CARS1: variants seen among roughly 807,000 people sequenced by gnomAD.
The protein encoded by CARS1 is cysteine--tRNA ligase, cytoplasmic.
Under a neutral mutation model 106.2 loss-of-function variants are expected in CARS1, and 48 were observed. That is an observed-to-expected ratio of 0.45 (90% CI 0.36 to 0.57). The LOEUF (loss-of-function observed/expected upper bound fraction) is 0.57. Among genes scored for constraint, CARS1 ranks in the 20% least tolerant of loss-of-function variants. CARS1 has a pLI of 0.00. For synonymous variants in CARS1, 409 were observed against 403.4 expected, an observed-to-expected ratio of 1.01 and a Z score of -0.17; for missense variants, 968 against 1,057.2, an observed-to-expected ratio of 0.92 and a Z score of 1.17.
At position 3,038,008 on chromosome 11, in the gene CARS1, T is replaced by C. The variant is rs1853901706; in HGVS notation, c.801+42A>G. Reference sequence around the variant, plus strand: ...AGATCAGTCTATGCACGGCCCGACATTTGACCCGAACGGGCTGTCTGGGAG... The same window carrying C: ...AGATCAGTCTATGCACGGCCCGACACTTGACCCGAACGGGCTGTCTGGGAG... On this transcript the variant is annotated intron_variant, in intron 7 of 22. Coordinates refer to ENST00000380525, the MANE Select transcript of CARS1 (RefSeq NM_001014437.3). The surrounding 1 kb of genome is among the most constrained non-coding windows in gnomAD (Gnocchi z 4.0). 2 of 1,590,564 alleles carry C rather than the reference T, an allele frequency of 1.3e-6. No homozygotes were observed. Among genetic ancestry groups the C allele is most frequent in the Non-Finnish European group, 1.7e-6 (2 of 1,163,144 alleles).
chr11:3,005,499 C>A (rs1424529743), intron 19 of CARS1, 66 bp from the exon 20 acceptor site: 2 of 1,091,636 alleles, frequency 1.8e-6, no homozygotes, highest in African/African-American at 3.1e-5. Context: ...CGGGGCCAGC[C>A]CTGCCCTGCC....
In CARS1 at chr11:3,017,252, T is replaced by C. The variant is rs1851116070; in HGVS notation, c.1771A>G (p.Asn591Asp). Reference protein sequence around the residue: ...KTAIHKALCDNVDTRTVMEEM... With the variant: ...KTAIHKALCDDVDTRTVMEEM... ...TCCATGACGGTGCGGGTGTCAACAT[T>C]GTCACAGAGGGCTTTGTGAATTGCT... The change falls in exon 16 of 23, where the codon AAT (asparagine) becomes GAT (aspartate). Residue 591 changes from asparagine (N) to aspartate (D), a missense_variant. Transcript: ENST00000380525. The surrounding 1 kb of genome is among the most constrained non-coding windows in gnomAD (Gnocchi z 4.9). 1 of 1,614,130 alleles carries C rather than the reference T, an allele frequency of 6.2e-7. No homozygotes were observed. The highest frequency in any genetic ancestry group is 8.5e-7 in the Non-Finnish European group (1 of 1,179,986).
intron 10 of CARS1, 85 bp downstream of exon 10, chr11:3,026,591 G>A (rs559167762): frequency 1.3e-4 from 183 of 1,461,050 alleles, no homozygotes; most frequent in African/African-American, 2.0e-4. Context: ...TGGGCTCAGC[G>A]CAGCCCCCGT....
rs199617458 is a variant in CARS1, at chr11:3,053,218, TTTTTATTTTA to T, written c.25+4115_25+4124del. Among the ~76,000 whole-genome samples, 2 of 152,094 alleles carry T rather than the reference TTTTTATTTTA, an allele frequency of 1.3e-5. No individual in the cohort carries two copies. The highest frequency in any genetic ancestry group is 4.8e-5 in the African/African-American group (2 of 41,448). The stretch of plus-strand genomic sequence containing the variant: ...CCTATCAGCATTTATTTTTTATTTA[TTTTTATTTTA>T]TTTTATTTTATTTTATTTTTTGAGA... On this transcript the variant is annotated intron_variant, in intron 1 of 22. Transcript: ENST00000380525. This position sits in a 1 kb window ranked among gnomAD's most constrained non-coding sequence, Gnocchi z 6.6.
At chr11:3,055,165 AT>A (rs369101566) in intron 1 of CARS1, 54,500 of 426,828 alleles carry the variant, frequency 0.13, 2 homozygotes, top group South Asian at 0.19. Context: ...TTACGATTGG[AT>A]TTTTTTTTTT....
intron 16 of CARS1, 144 bp downstream of exon 16, chr11:3,016,962 C>A: frequency 1.6e-6 from 1 of 632,688 alleles, no homozygotes; most frequent in Non-Finnish European, 2.7e-6. Flanking sequence ...CCAAAGAGGA[C>A]AGAAGCATAT....
At chr11:3,049,692 C>A (rs1855462506) in intron 1 of CARS1, among the ~76,000 whole-genome samples, 1 of 152,228 alleles carries the variant, frequency 6.6e-6, no homozygotes, top group Non-Finnish European at 1.5e-5. Flanking sequence ...GTGCCAGCTG[C>A]CCTTCCTGGG....
Position 3,019,224 on chromosome 11 carries a change from G to T in CARS1, c.1310C>A (p.Thr437Asn), listed in dbSNP as rs556124218. The change falls in exon 12 of 23, where the codon ACC becomes AAC. Residue 437 changes from threonine to asparagine, a missense_variant. By Grantham distance (65) the Thr-to-Asn change is moderately conservative. Coordinates refer to ENST00000380525, the MANE Select transcript of CARS1 (RefSeq NM_001014437.3). This position sits in a 1 kb window ranked among gnomAD's most constrained non-coding sequence, Gnocchi z 6.2. ...AATGTCCATCGAAGCCCCTAGGAGG[G>T]TGCCTGCCATGGCCGAGCACTCGAT... ...WHIECSAMAG[T>N]LLGASMDIHG... 1.5e-5 allele frequency: 23 copies of T among 1,498,406 alleles called. No individual in the cohort carries two copies. The East Asian group carries it at 4.0e-4, about 26-fold the overall frequency. The allele number at this position is 1,498,406 out of a possible 1,614,324, so 92.8% of individuals were successfully genotyped here.
At chr11:3,015,316 G>C (rs1850876194) in intron 17 of CARS1, among the ~76,000 whole-genome samples, 1 of 152,252 alleles carries the variant, frequency 6.6e-6, no homozygotes, top group South Asian at 2.1e-4. Flanking sequence ...GGGCCTGTTA[G>C]GGCATCTGCC....
intron 18 of CARS1, among the ~76,000 whole-genome samples, chr11:3,010,612 T>TGGCAGCCC (rs1180192013): frequency 1.2e-3 from 180 of 152,336 alleles, no homozygotes; most frequent in African/African-American, 4.2e-3. Context: ...AGAGCACTTG[T>TGGCAGCCC]GGCAGCCCAG....
intron 1 of CARS1, among the ~76,000 whole-genome samples, chr11:3,051,318 C>A (rs1215925694): frequency 6.6e-6 from 1 of 152,248 alleles, no homozygotes; most frequent in Non-Finnish European, 1.5e-5. Context: ...GCCGGGAGCT[C>A]TTGAGGGCCT....
chr11:3,039,927 A>C lies in CARS1; in HGVS notation c.460T>G (p.Tyr154Asp). The change falls in exon 5 of 23, where the codon TAC becomes GAC. Residue 154 changes from tyrosine to aspartate, a missense_variant. Physicochemically the swap from Tyr to Asp is radical, Grantham distance 160. Coordinates refer to ENST00000380525, the MANE Select transcript of CARS1 (RefSeq NM_001014437.3). The surrounding 1 kb of genome is among the most constrained non-coding windows in gnomAD (Gnocchi z 5.6). ...DASHMGHARS[Y>D]ISFDILRRVL... ...CTTCTCAAGATATCAAAAGAGATGT[A>C]GGACCTAAAGCAATGAAAAAACAAA... is the stretch of plus-strand genomic sequence containing the variant. 1 of 1,557,326 alleles carries C rather than the reference A, an allele frequency of 6.4e-7. No homozygotes were observed. Among genetic ancestry groups the C allele is most frequent in the Non-Finnish European group, 8.8e-7 (1 of 1,142,122 alleles).
Position 3,001,059 on chromosome 11 carries a change from A to T in CARS1, c.*55T>A, listed in dbSNP as rs1565002841. 2 of 1,596,212 alleles carry T rather than the reference A, an allele frequency of 1.3e-6. No homozygotes were observed. Among genetic ancestry groups the T allele is most frequent in the Non-Finnish European group, 8.6e-7 (1 of 1,166,706 alleles). On this transcript the variant is annotated 3_prime_UTR_variant, in exon 23 of 23. Transcript: ENST00000380525. ...TAGGAGCGCTGGGACATTGTCACTG[A>T]GGCAGACAGCAGCCACTAGTCCACA...
intron 1 of CARS1, among the ~76,000 whole-genome samples, chr11:3,054,329 T>G (rs1023921782): frequency 1.3e-5 from 2 of 152,310 alleles, no homozygotes; most frequent in Admixed American, 1.3e-4. Context: ...TCCCTCACAA[T>G]GAGCCTGTGG....
At chr11:3,051,187 C>G (rs1384784140) in intron 1 of CARS1, among the ~76,000 whole-genome samples, 5 of 152,254 alleles carry the variant, frequency 3.3e-5, no homozygotes, top group Admixed American at 3.3e-4. Flanking sequence ...AGCAGGAGCC[C>G]TGCTGCCCAA....
At chr11:3,023,585 C>T (rs1248766733) in intron 10 of CARS1, among the ~76,000 whole-genome samples, 2 of 152,058 alleles carry the variant, frequency 1.3e-5, no homozygotes, top group Admixed American at 6.6e-5. Context: ...TGTAGAGATG[C>T]GGTCTCACTA....
intron 21 of CARS1, chr11:3,002,267 A>T: frequency 1.5e-6 from 1 of 645,524 alleles, no homozygotes. Context: ...AATAGTGGAA[A>T]GCTTACTAGA....
At position 3,050,879 on chromosome 11, in the gene CARS1, C is replaced by T. The variant is rs1030422270; in HGVS notation, c.26-2878G>A. On this transcript the variant is annotated intron_variant, in intron 1 of 22. Coordinates refer to ENST00000380525, the MANE Select transcript of CARS1 (RefSeq NM_001014437.3). The surrounding 1 kb of genome is among the most constrained non-coding windows in gnomAD (Gnocchi z 6.3). ...TTCTCTCCGCAGCACCCCTGTCTAA[C>T]ACGTGCCCGCATTTCTTTCCTTCAC... Among the ~76,000 whole-genome samples, 4 of 152,258 alleles carry T rather than the reference C, an allele frequency of 2.6e-5. No individual in the cohort carries two copies. Among genetic ancestry groups the T allele is most frequent in the African/African-American group, 4.8e-5 (2 of 41,466 alleles).
chr11:3,020,742 C>T lies in CARS1; in HGVS notation c.1154-410G>A, dbSNP rs552803201. ...GCTCAGGGATCCTGCCTGGTTCATG[C>T]GGGTGGGGTCAATATGTCAAGGGCC... On this transcript the variant is annotated intron_variant, in intron 10 of 22. Transcript: ENST00000380525. This position sits in a 1 kb window ranked among gnomAD's most constrained non-coding sequence, Gnocchi z 4.6. Among the ~76,000 whole-genome samples the T allele has an allele frequency of 6.3e-4, 96 of 152,228 alleles. No homozygotes were observed. Among genetic ancestry groups the T allele is most frequent in the African/African-American group, 2.3e-3 (95 of 41,534 alleles).
Sources: gnomAD v4.1 joint callset for allele counts (sites outside exome capture counted in the v4.1 genomes callset) on GRCh38, gnomAD v4.1.1 for gene constraint, Gnocchi (gnomAD v3.1) non-coding constraint, MANE v1.5 for transcripts, NCBI Gene and HGNC (gene_info 2026-07-23, HGNC 2026-07-21) for gene names.